PARD3B: variants seen among roughly 807,000 people sequenced by gnomAD.
PARD3B encodes the protein par-3 family cell polarity regulator beta, also known as partitioning defective 3 homolog B.
In PARD3B, 103 loss-of-function variants were observed where a neutral mutation model predicts 130.2. That is an observed-to-expected ratio of 0.79 (90% CI 0.67 to 0.93). PARD3B has a LOEUF of 0.93. Ranked by LOEUF, PARD3B falls within the 40% of genes least tolerant of loss-of-function variation. The probability of loss-of-function intolerance (pLI) is 0.00; values close to 1 mark genes in which losing one functional copy is unlikely to be tolerated. For missense variants in PARD3B, 1,609 were observed against 1,499.2 expected, an observed-to-expected ratio of 1.07 and a Z score of -1.21; for synonymous variants, 583 against 553.2, an observed-to-expected ratio of 1.05 and a Z score of -0.76.
chr2:204,949,152 A>G (rs1559290312), intron 2 of PARD3B, among the ~76,000 whole-genome samples: 1 of 152,342 alleles, frequency 6.6e-6, no homozygotes, highest in East Asian at 1.9e-4. Flanking sequence ...CTGTGTTTCT[A>G]TGGAAATGGG....
At position 205,352,323 on chromosome 2, in the gene PARD3B, A is replaced by G. The variant is rs1393252135; in HGVS notation, c.2631-48690A>G. Among the ~76,000 whole-genome samples, 2 of 152,114 alleles carry G rather than the reference A, an allele frequency of 1.3e-5. No individual in the cohort carries two copies. Among genetic ancestry groups the G allele is most frequent in the African/African-American group, 4.8e-5 (2 of 41,424 alleles). On this transcript the variant is annotated intron_variant, in intron 18 of 22. Transcript: ENST00000406610. The surrounding 1 kb of genome is among the most constrained non-coding windows in gnomAD (Gnocchi z 5.2). ...GATTATCTTTGCTGGCTGGATATTT[A>G]TTTCAGATTTTTGTGGTTTCTCATG...
intron 21 of PARD3B, among the ~76,000 whole-genome samples, chr2:205,539,852 T>G (rs908081908): frequency 1.3e-5 from 2 of 152,102 alleles, no homozygotes; most frequent in African/African-American, 4.8e-5. Flanking sequence ...CGGTTAGATG[T>G]GACTCAGGTG....
chr2:205,358,422 G>A (rs964897), intron 18 of PARD3B, among the ~76,000 whole-genome samples: 91,814 of 151,996 alleles, frequency 0.6, 30,927 homozygotes, highest in South Asian at 0.77. Flanking sequence ...CTCAGGCTTC[G>A]GTTGCTTCTT....
intron 4 of PARD3B, among the ~76,000 whole-genome samples, chr2:205,079,872 T>C (rs1022785447): frequency 2.0e-5 from 3 of 152,324 alleles, no homozygotes; most frequent in Admixed American, 6.5e-5. Context: ...ATATAGTTTA[T>C]ATTTATTTAA....
intron 3 of PARD3B, among the ~76,000 whole-genome samples, chr2:205,030,918 A>G (rs1337731492): frequency 6.6e-6 from 1 of 152,142 alleles, no homozygotes; most frequent in Non-Finnish European, 1.5e-5. Flanking sequence ...CTAAGAATCC[A>G]ACATTTGCTC....
intron 3 of PARD3B, among the ~76,000 whole-genome samples, chr2:205,030,887 A>G (rs567625365): frequency 6.6e-6 from 1 of 152,240 alleles, no homozygotes; most frequent in East Asian, 1.9e-4. Context: ...CCTTGCTAAG[A>G]TATGTTGCTT....
intron 22 of PARD3B, among the ~76,000 whole-genome samples, chr2:205,570,453 A>C (rs1418655699): frequency 3.9e-5 from 6 of 151,978 alleles, no homozygotes; most frequent in Non-Finnish European, 1.5e-5. Flanking sequence ...ATACCCATAC[A>C]GTAGTTTATT....
intron 21 of PARD3B, among the ~76,000 whole-genome samples, chr2:205,531,160 T>C (rs1486637011): frequency 1.3e-5 from 2 of 152,174 alleles, no homozygotes; most frequent in Non-Finnish European, 2.9e-5. Flanking sequence ...TTCACCATAA[T>C]TTATACTAAT....
At chr2:205,343,198 C>T (rs1468203872) in intron 18 of PARD3B, among the ~76,000 whole-genome samples, 2 of 152,184 alleles carry the variant, frequency 1.3e-5, no homozygotes, top group Admixed American at 6.5e-5. Flanking sequence ...ATGAAGCCCC[C>T]GACTGTAGGA....
At chr2:205,578,569 G>A (rs372014789) in intron 22 of PARD3B, among the ~76,000 whole-genome samples, 8 of 152,152 alleles carry the variant, frequency 5.3e-5, no homozygotes, top group African/African-American at 1.9e-4. Flanking sequence ...ACAAGATAAA[G>A]TAATATAAGC....
intron 15 of PARD3B, among the ~76,000 whole-genome samples, chr2:205,225,916 G>A (rs2038516262): frequency 6.6e-6 from 1 of 152,082 alleles, no homozygotes; most frequent in South Asian, 2.1e-4. Flanking sequence ...ATATCAGATG[G>A]GTAGTTTGCA....
chr2:205,270,532 A>C (rs1486519350), intron 16 of PARD3B, among the ~76,000 whole-genome samples: 1 of 151,588 alleles, frequency 6.6e-6, no homozygotes, highest in African/African-American at 2.4e-5. Context: ...ATGCCACCAC[A>C]CTCCAGCCTG....
intron 20 of PARD3B, among the ~76,000 whole-genome samples, chr2:205,455,363 T>G (rs1264115607): frequency 1.3e-5 from 2 of 152,090 alleles, no homozygotes; most frequent in Non-Finnish European, 1.5e-5. Context: ...TTCATATATG[T>G]AAACAGAAAA....
chr2:205,109,517 T>G (rs1305879962), intron 5 of PARD3B, among the ~76,000 whole-genome samples: 1 of 152,168 alleles, frequency 6.6e-6, no homozygotes, highest in Non-Finnish European at 1.5e-5. Context: ...CTTAGACAGT[T>G]CTAACAATCA....
chr2:205,497,140 CTTTT>C (rs1437581153), intron 20 of PARD3B, among the ~76,000 whole-genome samples: 4 of 143,332 alleles, frequency 2.8e-5, no homozygotes, highest in African/African-American at 1.0e-4. Context: ...TCAAAGAAAA[CTTTT>C]TTTAAGTATA....
At chr2:204,949,606 G>A (rs1418867730) in intron 2 of PARD3B, among the ~76,000 whole-genome samples, 1 of 152,110 alleles carries the variant, frequency 6.6e-6, no homozygotes, top group Non-Finnish European at 1.5e-5. Flanking sequence ...ACAAGCATAA[G>A]CCACAGTACT....
At chr2:205,191,251 T>C (rs1255430156) in intron 14 of PARD3B, among the ~76,000 whole-genome samples, 2 of 152,140 alleles carry the variant, frequency 1.3e-5, no homozygotes, top group African/African-American at 4.8e-5. Flanking sequence ...TTGATCAAGC[T>C]CTTACTGTGT....
chr2:205,491,928 G>A (rs1359063480), intron 20 of PARD3B, among the ~76,000 whole-genome samples: 2 of 152,160 alleles, frequency 1.3e-5, no homozygotes, highest in Non-Finnish European at 2.9e-5. Context: ...GAGGACCGCA[G>A]TTCAGGATTA....
At chr2:204,806,971 T>A (rs1313476746) in intron 2 of PARD3B, among the ~76,000 whole-genome samples, 1 of 152,084 alleles carries the variant, frequency 6.6e-6, no homozygotes, top group Admixed American at 6.6e-5. Flanking sequence ...GAAAAAGAGG[T>A]TCAATGAACT....
Sources: gnomAD v4.1 joint callset for allele counts (sites outside exome capture counted in the v4.1 genomes callset) on GRCh38, gnomAD v4.1.1 for gene constraint, Gnocchi (gnomAD v3.1) non-coding constraint, MANE v1.5 for transcripts, NCBI Gene and HGNC (gene_info 2026-07-23, HGNC 2026-07-21) for gene names.